Variants in FBXO25 observed in about 807,000 individuals in gnomAD.
The protein encoded by FBXO25 is F-box only protein 25.
In FBXO25, 45 loss-of-function variants were observed where a neutral mutation model predicts 51.9. The observed-to-expected ratio is 0.87, with a 90% CI of 0.68 to 1.11. The LOEUF is 1.11. Among genes scored for constraint, FBXO25 ranks in the 50% most tolerant of loss-of-function variants. The probability of loss-of-function intolerance (pLI) is 0.00; values close to 1 mark genes in which losing one functional copy is unlikely to be tolerated. For synonymous variants in FBXO25, 199 were observed against 151.0 expected (o/e 1.32, Z -2.33); for missense variants, 507 against 428.5 (o/e 1.18, Z -1.62).
chr8:458,613 T>C (rs539195442), intron 8 of FBXO25, 62 bp downstream of exon 8: 27 of 1,522,306 alleles, frequency 1.8e-5, no homozygotes, highest in Non-Finnish European at 2.4e-5. Context: ...CTGGGGGCCA[T>C]ACCCTATAAA....
At chr8:414,475 A>G (rs1282220119) in intron 2 of FBXO25, among the ~76,000 whole-genome samples, 1 of 152,218 alleles carries the variant, frequency 6.6e-6, no homozygotes, top group African/African-American at 2.4e-5. Context: ...ATTTAAAAAA[A>G]GCTGTAATGC....
chr8:449,409 GC>G (rs1175242275), intron 5 of FBXO25, among the ~76,000 whole-genome samples: 1 of 152,160 alleles, frequency 6.6e-6, no homozygotes, highest in African/African-American at 2.4e-5. Context: ...TGTTACTGTG[GC>G]TTCCCAGAAT....
At chr8:442,828 C>T (rs991137249) in intron 5 of FBXO25, among the ~76,000 whole-genome samples, 1 of 152,160 alleles carries the variant, frequency 6.6e-6, no homozygotes, top group Non-Finnish European at 1.5e-5. Context: ...CTAAGCAAGA[C>T]TTTTCTTATA....
chr8:469,869 G>A lies in FBXO25; in HGVS notation c.*1065G>A, dbSNP rs955344194. ...AATAATAAAAGTATACTTTTATGGC[G>A]TTATAAATAGGACTAAAAAAAGATT... On this transcript the variant is annotated 3_prime_UTR_variant, in exon 10 of 10. Coordinates refer to ENST00000350302, the MANE Select transcript of FBXO25 (RefSeq NM_183420.2). 8 of 151,998 alleles carry A rather than the reference G, an allele frequency of 5.3e-5. No homozygotes were observed. The highest frequency in any genetic ancestry group is 4.1e-4 in the South Asian group (2 of 4,820). The allele number at this position is 151,998 out of a possible 1,614,324, so 9.4% of individuals were successfully genotyped here.
At chr8:444,089 A>G (rs932656017) in intron 5 of FBXO25, among the ~76,000 whole-genome samples, 1 of 152,232 alleles carries the variant, frequency 6.6e-6, no homozygotes, top group South Asian at 2.1e-4. Flanking sequence ...TCACAGGGGC[A>G]TTACAGCATT....
intron 1 of FBXO25, among the ~76,000 whole-genome samples, chr8:409,618 A>T (rs972409617): frequency 1.3e-5 from 2 of 152,168 alleles, no homozygotes; most frequent in Non-Finnish European, 1.5e-5. Context: ...TAGTGTCTAA[A>T]TAGGTAAGTA....
chr8:467,537 GT>G (rs1399319206), intron 9 of FBXO25, among the ~76,000 whole-genome samples: 1 of 152,196 alleles, frequency 6.6e-6, no homozygotes, highest in Non-Finnish European at 1.5e-5. Context: ...ATGAGAACTT[GT>G]TTGCTTTTAA....
chr8:421,655 C>T (rs1302085864), intron 2 of FBXO25, among the ~76,000 whole-genome samples: 1 of 152,076 alleles, frequency 6.6e-6, no homozygotes, highest in Non-Finnish European at 1.5e-5. Context: ...GTTAGTATAA[C>T]ACATCTGTTT....
intron 5 of FBXO25, among the ~76,000 whole-genome samples, chr8:446,100 C>G (rs112745483): frequency 0.12 from 18,623 of 152,036 alleles, 1,499 homozygotes; most frequent in East Asian, 0.37. Flanking sequence ...TGTAATGTAG[C>G]ATGCTGGGGC....
intron 8 of FBXO25, among the ~76,000 whole-genome samples, chr8:460,799 TA>T (rs1250714981): frequency 6.6e-6 from 1 of 152,214 alleles, no homozygotes. Context: ...AAATTAATAT[TA>T]AATATGAACA....
At chr8:420,779 T>C (rs1469194012) in intron 2 of FBXO25, among the ~76,000 whole-genome samples, 1 of 151,482 alleles carries the variant, frequency 6.6e-6, no homozygotes, top group Non-Finnish European at 1.5e-5. Context: ...GGGTTAAGAG[T>C]TGGGGAAAAG....
At position 469,006 on chromosome 8, in the gene FBXO25, A is replaced by G. The variant is rs1194606018; in HGVS notation, c.*202A>G. 5 of 548,640 alleles carry G rather than the reference A, an allele frequency of 9.1e-6. No homozygotes were observed. The highest frequency in any genetic ancestry group is 1.6e-5 in the Non-Finnish European group (5 of 312,088). The allele number at this position is 548,640 out of a possible 1,614,324, so 34.0% of individuals were successfully genotyped here. On this transcript the variant is annotated 3_prime_UTR_variant, in exon 10 of 10. Transcript: ENST00000350302. ...GTCAGAGGCCAAGGAAATCATTTCT[A>G]CTTCTTTAAAAACTCCTTCTAAGCA... is the stretch of plus-strand genomic sequence containing the variant.
chr8:419,206 A>C (rs1212616071), intron 2 of FBXO25, among the ~76,000 whole-genome samples: 1 of 141,114 alleles, frequency 7.1e-6, no homozygotes, highest in Non-Finnish European at 1.5e-5. Context: ...CTAAAAATAC[A>C]AAAAAAAAAA....
intron 2 of FBXO25, among the ~76,000 whole-genome samples, chr8:416,051 T>C (rs1245684923): frequency 6.6e-6 from 1 of 152,206 alleles, no homozygotes; most frequent in East Asian, 1.9e-4. Context: ...GAGACTCCCA[T>C]TGCTTGCTCC....
At chr8:466,809 T>TCAGTCCA (rs1348624027) in intron 9 of FBXO25, among the ~76,000 whole-genome samples, 28 of 152,294 alleles carry the variant, frequency 1.8e-4, no homozygotes, top group African/African-American at 5.8e-4. Context: ...TGTAAGTAAC[T>TCAGTCCA]GGGCTGAGTT....
intron 9 of FBXO25, chr8:468,363 C>A: frequency 1.3e-6 from 1 of 775,940 alleles, no homozygotes; most frequent in Non-Finnish European, 1.6e-6. Context: ...TGGCTGGGAC[C>A]AGAGGACAGA....
At chr8:427,222 C>G (rs1273265826) in intron 2 of FBXO25, among the ~76,000 whole-genome samples, 1 of 152,022 alleles carries the variant, frequency 6.6e-6, no homozygotes, top group Non-Finnish European at 1.5e-5. Context: ...AGGAGCTGAC[C>G]AAAATGTCCT....
At chr8:443,291 C>T (rs1798539105) in intron 5 of FBXO25, among the ~76,000 whole-genome samples, 1 of 149,048 alleles carries the variant, frequency 6.7e-6, no homozygotes, top group African/African-American at 2.5e-5. Context: ...TTTGAAATGC[C>T]GGTATTGATA....
chr8:420,246 C>T (rs568189592), intron 2 of FBXO25, among the ~76,000 whole-genome samples: 11 of 152,254 alleles, frequency 7.2e-5, no homozygotes, highest in African/African-American at 2.2e-4. Context: ...CAGAGGCCTA[C>T]GTCAGTAGCT....
Sources: gnomAD v4.1 joint callset for allele counts (sites outside exome capture counted in the v4.1 genomes callset) on GRCh38, gnomAD v4.1.1 for gene constraint, MANE v1.5 for transcripts, NCBI Gene and HGNC (gene_info 2026-07-23, HGNC 2026-07-21) for gene names.